Variants in FGFR2 observed in about 807,000 individuals in gnomAD.
FGFR2 encodes the protein BEK fibroblast growth factor receptor.
In FGFR2, 19 loss-of-function variants were observed where a neutral mutation model predicts 95.9. That is an observed-to-expected ratio of 0.20 (90% CI 0.14 to 0.29). The LOEUF is 0.29. FGFR2 is among the 10% of genes least tolerant of loss of function. The pLI is 1.00. For synonymous variants in FGFR2, 392 were observed against 393.3 expected (o/e 1.00, Z 0.04); for missense variants, 707 against 1,056.9 (o/e 0.67, Z 4.59).
At chr10:121,524,146 A>ACACACACACAC (rs142755962) in intron 6 of FGFR2, among the ~76,000 whole-genome samples, 1 of 136,976 alleles carries the variant, frequency 7.3e-6, no homozygotes, top group Non-Finnish European at 1.5e-5. Flanking sequence ...ACACACACAC[A>ACACACACACAC]CCCCAAGTTT....
At chr10:121,581,526 C>T (rs1453444048) in intron 2 of FGFR2, among the ~76,000 whole-genome samples, 1 of 149,862 alleles carries the variant, frequency 6.7e-6, no homozygotes, top group African/African-American at 2.5e-5. Context: ...ATCGCTTGAG[C>T]CCAGGAGTTT....
At chr10:121,506,216 G>T (rs1746143744) in intron 9 of FGFR2, among the ~76,000 whole-genome samples, 1 of 151,992 alleles carries the variant, frequency 6.6e-6, no homozygotes, top group Admixed American at 6.6e-5. Flanking sequence ...AAATGAGTCG[G>T]TTGTGGTGGT....
intron 4 of FGFR2, among the ~76,000 whole-genome samples, chr10:121,558,879 G>C (rs1210283841): frequency 1.3e-5 from 2 of 151,862 alleles, no homozygotes; most frequent in Admixed American, 1.3e-4. Context: ...GAGCCACCGC[G>C]CCCGATCTTT....
At chr10:121,533,516 G>A (rs920524555) in intron 6 of FGFR2, among the ~76,000 whole-genome samples, 1 of 152,202 alleles carries the variant, frequency 6.6e-6, no homozygotes, top group Non-Finnish European at 1.5e-5. Context: ...ATACCTGAGG[G>A]TCTCTGGAAA....
chr10:121,511,791 C>G (rs1035945826), intron 9 of FGFR2, among the ~76,000 whole-genome samples: 63 of 152,268 alleles, frequency 4.1e-4, no homozygotes, highest in Non-Finnish European at 3.2e-4. Context: ...TACAAAGTCT[C>G]AAAAAATTCA....
intron 14 of FGFR2, among the ~76,000 whole-genome samples, chr10:121,487,664 C>A (rs1289997410): frequency 6.6e-6 from 1 of 152,164 alleles, no homozygotes; most frequent in Non-Finnish European, 1.5e-5. Context: ...CACAGATGCT[C>A]CTTGACCAGT....
At chr10:121,587,385 A>C (rs1394407964) in intron 2 of FGFR2, among the ~76,000 whole-genome samples, 1 of 152,252 alleles carries the variant, frequency 6.6e-6, no homozygotes, top group Non-Finnish European at 1.5e-5. Flanking sequence ...AAGCAATTGC[A>C]ACAAAAGCAA....
intron 4 of FGFR2, among the ~76,000 whole-genome samples, chr10:121,557,560 G>A (rs192756172): frequency 1.3e-5 from 2 of 152,172 alleles, no homozygotes; most frequent in East Asian, 3.9e-4. Flanking sequence ...CTCCTGCTTC[G>A]GCCTCCCAAC....
chr10:121,573,909 G>A lies in FGFR2; in HGVS notation c.110-8205C>T, dbSNP rs142796545. 2.4e-4 allele frequency among the ~76,000 whole-genome samples: 36 copies of A among 152,252 alleles called. No homozygotes were observed. The East Asian group carries it at 5.8e-3, about 24-fold the overall frequency. Reference sequence around the variant, plus strand: ...AATGTCACGGCTGTAGGGCTGTAGGGCTGCCAGTGTCTCTACAGGAGAAAC... The same window carrying A: ...AATGTCACGGCTGTAGGGCTGTAGGACTGCCAGTGTCTCTACAGGAGAAAC... On this transcript the variant is annotated intron_variant, in intron 2 of 17. Transcript: ENST00000358487.
In FGFR2 at chr10:121,503,956, C is replaced by T. The variant is rs374478168; in HGVS notation, c.1288-15G>A. 27 of 1,613,840 alleles carry T rather than the reference C, an allele frequency of 1.7e-5. No homozygotes were observed. The African/African-American group carries it at 2.8e-4, about 17-fold the overall frequency. ...TCAGCCGAAACCTGGATACAAAATG[C>T]AAAGACACAGATGTAATCCTGGCTC... On this transcript the variant is annotated splice_polypyrimidine_tract_variant and intron_variant, in intron 9 of 17. Transcript: ENST00000358487.
At chr10:121,529,737 C>T (rs1851846669) in intron 6 of FGFR2, among the ~76,000 whole-genome samples, 1 of 152,140 alleles carries the variant, frequency 6.6e-6, no homozygotes. Context: ...CTAGAAATTT[C>T]CATCCCAATT....
At position 121,496,700 on chromosome 10, in the gene FGFR2, C is replaced by T. The variant is rs2133944073; in HGVS notation, c.1695G>A (p.Glu565=). The part of the protein sequence containing the change: ...TQDGPLYVIV[E]YASKGNLREY... ...CTCGGAGGTTGCCTTTAGAGGCATACTCAACTATGACATAGAGAGGCCCTG... is the reference window on the plus strand; with the variant it reads ...CTCGGAGGTTGCCTTTAGAGGCATATTCAACTATGACATAGAGAGGCCCTG... Residue 565 remains glutamate, a synonymous_variant, in exon 13 of 18, where the codon GAG becomes GAA. Coordinates refer to ENST00000358487, the MANE Select transcript of FGFR2 (RefSeq NM_000141.5). 1 of 1,611,736 alleles carries T rather than the reference C, an allele frequency of 6.2e-7. No individual in the cohort carries two copies. Among genetic ancestry groups the T allele is most frequent in the Non-Finnish European group, 8.5e-7 (1 of 1,179,906 alleles).
intron 17 of FGFR2, chr10:121,480,226 CTGACT>C (rs1242594715): frequency 5.8e-6 from 4 of 693,224 alleles, no homozygotes; most frequent in South Asian, 1.6e-5. Context: ...CCCAGCCCAC[CTGACT>C]TCCACGAAGA....
intron 11 of FGFR2, among the ~76,000 whole-genome samples, chr10:121,499,632 C>A (rs1847328774): frequency 6.6e-6 from 1 of 152,200 alleles, no homozygotes; most frequent in Non-Finnish European, 1.5e-5. Context: ...TGCAATATCC[C>A]ATGTAACTCT....
In FGFR2 at chr10:121,479,471, A is replaced by C. The variant is rs1589691114; in HGVS notation, c.*386T>G. The C allele has an allele frequency of 1.6e-6, 1 of 607,094 alleles. No homozygotes were observed. Among genetic ancestry groups the C allele is most frequent in the East Asian group, 2.9e-5 (1 of 34,430 alleles). 37.6% of individuals were successfully genotyped at this position (607,094 alleles called of 1,614,324 possible). On this transcript the variant is annotated 3_prime_UTR_variant, in exon 18 of 18. Transcript: ENST00000358487. ...ACATAATTTGAATATATTTACATAC[A>C]TCCAGCACCTATATACTGCATTTGT...
At position 121,586,598 on chromosome 10, in the gene FGFR2, G is replaced by T. The variant is rs78436731; in HGVS notation, c.109+7111C>A. On this transcript the variant is annotated intron_variant, in intron 2 of 17. Coordinates refer to ENST00000358487, the MANE Select transcript of FGFR2 (RefSeq NM_000141.5). Reference sequence around the variant, plus strand: ...GGAGTAAATTACACATTCAGCATCTGAAAGCTCTTCCATGGTACCGGTTTC... The same window carrying T: ...GGAGTAAATTACACATTCAGCATCTTAAAGCTCTTCCATGGTACCGGTTTC... 7.4e-4 allele frequency among the ~76,000 whole-genome samples: 113 copies of T among 152,282 alleles called. 1 individual carries two copies. The East Asian group carries it at 0.019, about 26-fold the overall frequency.
At chr10:121,550,148 CT>C (rs1283921527) in intron 5 of FGFR2, among the ~76,000 whole-genome samples, 4 of 152,186 alleles carry the variant, frequency 2.6e-5, no homozygotes, top group African/African-American at 7.2e-5. Context: ...GACCTGAATC[CT>C]TTCCTGACCT....
chr10:121,528,213 T>C (rs2981433), intron 6 of FGFR2, among the ~76,000 whole-genome samples: 139,436 of 152,252 alleles, frequency 0.92, 65,132 homozygotes, highest in East Asian at 1. Flanking sequence ...CTATCAAAAA[T>C]GATCCAGTTA....
intron 5 of FGFR2, among the ~76,000 whole-genome samples, chr10:121,541,103 C>T (rs1853678044): frequency 6.6e-6 from 1 of 152,104 alleles, no homozygotes; most frequent in African/African-American, 2.4e-5. Flanking sequence ...TGGAGATGCA[C>T]TACAAATATT....
Sources: gnomAD v4.1 joint callset for allele counts (sites outside exome capture counted in the v4.1 genomes callset) on GRCh38, gnomAD v4.1.1 for gene constraint, MANE v1.5 for transcripts, NCBI Gene and HGNC (gene_info 2026-07-23, HGNC 2026-07-21) for gene names.